Variants in TUBB4A observed in about 807,000 individuals in gnomAD.
TUBB4A encodes the protein tubulin beta-4A chain.
TUBB4A carries 13 observed loss-of-function variants against 35.1 expected under a neutral mutation model. That is an observed-to-expected ratio of 0.37 (90% CI 0.24 to 0.59). TUBB4A has a LOEUF of 0.59. TUBB4A is among the 20% of genes least tolerant of loss of function. The pLI is 0.71. For synonymous variants in TUBB4A, 279 were observed against 272.4 expected (o/e 1.02, Z -0.24); for missense variants, 299 against 647.2 (o/e 0.46, Z 5.84).
chr19:6,496,117 C>G lies in TUBB4A; in HGVS notation c.382G>C (p.Asp128His). 6.2e-7 allele frequency: 1 copy of G among 1,614,180 alleles called. No homozygotes were observed. The highest frequency in any genetic ancestry group is 8.5e-7 in the Non-Finnish European group (1 of 1,180,034). ...GTCAGCTGGAAGCCCTGAAGGCAGT[C>G]GCAGCTCTCGGCCTCCTTCCGGACT... ...DVVRKEAESC[D>H]CLQGFQLTHS... Residue 128 changes from aspartate to histidine, a missense_variant, in exon 4 of 4, where the codon GAC (aspartate) becomes CAC (histidine). This residue lies in a region of TUBB4A where 123 missense variants were observed against 226.0 expected (regional missense o/e 0.54). Transcript: ENST00000264071.
rs1914173853 is a variant in TUBB4A, at chr19:6,496,138, G to A, written c.361C>T (p.Arg121Trp). ...CAGTCGCAGCTCTCGGCCTCCTTCC[G>A]GACTACGTCCAGGACAGCGTCCACC... ...ELVDAVLDVV[R>W]KEAESCDCLQ... is the part of the protein sequence containing the mutation. Residue 121 changes from arginine to tryptophan, a missense_variant, in exon 4 of 4, where the codon CGG becomes TGG. Arg to Trp is a moderately radical substitution (Grantham distance 101, BLOSUM62 -3). This residue lies in a region of TUBB4A where 123 missense variants were observed against 226.0 expected (regional missense o/e 0.54). Transcript: ENST00000264071. 1 of 1,614,140 alleles carries A rather than the reference G, an allele frequency of 6.2e-7. No homozygotes were observed. The highest frequency in any genetic ancestry group is 2.2e-5 in the East Asian group (1 of 44,866).
rs573939463 is a variant in TUBB4A, at chr19:6,502,076, G to A, written c.57+80C>T. 6,581 of 1,434,094 alleles carry A rather than the reference G, an allele frequency of 4.6e-3. 56 individuals are homozygous for A. The highest frequency in any genetic ancestry group is 0.024 in the South Asian group (1,854 of 76,088). The allele number at this position is 1,434,094 out of a possible 1,614,324, so 88.8% of individuals were successfully genotyped here. A position where few individuals can be genotyped will look rare whatever the true frequency, so the allele number is the denominator to read the frequency against. ...CTCATTCCTTTCCAAAGACTCCCAG[G>A]TTGCGGGGTGCTCCGGGGACCGACC... On this transcript the variant is annotated intron_variant, in intron 1 of 3. Transcript: ENST00000264071.
At position 6,496,216 on chromosome 19, in the gene TUBB4A, A is replaced by T. The variant is rs1186220209; in HGVS notation, c.283T>A (p.Ser95Thr). The T allele has an allele frequency of 6.2e-7, 1 of 1,609,362 alleles. No homozygotes were observed. ...FRPDNFVFGQSGAGNNWAKGH... is the reference protein window; with the variant it reads ...FRPDNFVFGQTGAGNNWAKGH... ...TTTGCCCAGTTGTTGCCGGCTCCGG[A>T]TTGGCCTAGAGAGGGAAGGGGAGGG... is the stretch of plus-strand genomic sequence containing the variant. Residue 95 changes from serine (S) to threonine (T), a missense_variant, in exon 4 of 4, where the codon TCC (serine) becomes ACC (threonine). Coordinates refer to ENST00000264071, the MANE Select transcript of TUBB4A (RefSeq NM_006087.4).
rs1022879508 is a variant in TUBB4A, at chr19:6,494,329, C to CAATT, written c.*831_*834dup. 6.6e-6 allele frequency: 1 copy of CAATT among 151,106 alleles called. No homozygotes were observed. Among genetic ancestry groups the CAATT allele is most frequent in the African/African-American group, 2.4e-5 (1 of 41,236 alleles). The allele number at this position is 151,106 out of a possible 1,614,324, so 9.4% of individuals were successfully genotyped here. ...GATTCGGCAGAAACATCCATGACAACAATTAATTTATTTATTGAGGGTGAG... is the reference window on the plus strand; with the variant it reads ...GATTCGGCAGAAACATCCATGACAACAATTAATTAATTTATTTATTGAGGGTGAG... On this transcript the variant is annotated 3_prime_UTR_variant, in exon 4 of 4. Transcript: ENST00000264071.
intron 3 of TUBB4A, among the ~76,000 whole-genome samples, chr19:6,498,018 C>T (rs1337456886): frequency 2.7e-5 from 4 of 150,666 alleles, no homozygotes; most frequent in Non-Finnish European, 4.4e-5. Flanking sequence ...AAGACTATCC[C>T]GGCTAACACG....
At position 6,494,849 on chromosome 19, in the gene TUBB4A, G is replaced by A; in HGVS notation, c.*315C>T. ...ATGGGGGGCAGAGGTCAAAGGTGAAGCAGAAGTCAGGGGTGAAGGAAGGTC... is the reference window on the plus strand; with the variant it reads ...ATGGGGGGCAGAGGTCAAAGGTGAAACAGAAGTCAGGGGTGAAGGAAGGTC... On this transcript the variant is annotated 3_prime_UTR_variant, in exon 4 of 4. Transcript: ENST00000264071. The A allele has an allele frequency of 2.1e-6, 1 of 475,098 alleles. No individual in the cohort carries two copies. Among genetic ancestry groups the A allele is most frequent in the Non-Finnish European group, 3.8e-6 (1 of 260,636 alleles). The allele number at this position is 475,098 out of a possible 1,614,324, so 29.4% of individuals were successfully genotyped here.
intron 1 of TUBB4A, 75 bp downstream of exon 1, chr19:6,502,081 G>A: frequency 6.9e-7 from 1 of 1,445,626 alleles, no homozygotes; most frequent in Admixed American, 2.4e-5. Context: ...CCCAGGTTGC[G>A]GGGTGCTCCG....
At position 6,501,648 on chromosome 19, in the gene TUBB4A, G is replaced by T. The variant is rs747707848; in HGVS notation, c.58-25C>A. ...ACTAGAGAGAGAGGTGGTCGGAAGA[G>T]TTGAGAGAGGGGAAGCCGGTGGCCA... On this transcript the variant is annotated intron_variant, in intron 1 of 3. Coordinates refer to ENST00000264071, the MANE Select transcript of TUBB4A (RefSeq NM_006087.4). The surrounding 1 kb of genome is among the most constrained non-coding windows in gnomAD (Gnocchi z 4.2). 4 of 1,598,770 alleles carry T rather than the reference G, an allele frequency of 2.5e-6. No homozygotes were observed. The South Asian group carries it at 4.5e-5, about 18-fold the overall frequency.
In TUBB4A at chr19:6,501,230, G is replaced by T. The variant is rs922601902; in HGVS notation, c.277+57C>A. The stretch of plus-strand genomic sequence containing the variant: ...CCCCGGTGGTGGCTGTTGACTCTGT[G>T]GTGTTAGCAGGAATAAGGAGGTTTT... On this transcript the variant is annotated intron_variant, in intron 3 of 3. Coordinates refer to ENST00000264071, the MANE Select transcript of TUBB4A (RefSeq NM_006087.4). This position sits in a 1 kb window ranked among gnomAD's most constrained non-coding sequence, Gnocchi z 4.2. 1.4e-6 allele frequency: 2 copies of T among 1,444,710 alleles called. No homozygotes were observed. The highest frequency in any genetic ancestry group is 1.4e-5 in the African/African-American group (1 of 71,552). The allele number at this position is 1,444,710 out of a possible 1,614,324, so 89.5% of individuals were successfully genotyped here.
intron 3 of TUBB4A, among the ~76,000 whole-genome samples, chr19:6,497,898 C>CAA (rs1179837262): frequency 0.081 from 3,427 of 42,112 alleles, 222 homozygotes; most frequent in Middle Eastern, 0.21. Context: ...GACTCCGTCT[C>CAA]AAAAAAAAAA....
Position 6,501,914 on chromosome 19 carries a change from T to A in TUBB4A, c.57+242A>T, listed in dbSNP as rs1028964019. 27 of 586,060 alleles carry A rather than the reference T, an allele frequency of 4.6e-5. No individual in the cohort carries two copies. In the African/African-American group the frequency reaches 4.9e-4, roughly 11 times the overall value. 36.3% of individuals were successfully genotyped at this position (586,060 alleles called of 1,614,324 possible). On this transcript the variant is annotated intron_variant, in intron 1 of 3. Coordinates refer to ENST00000264071, the MANE Select transcript of TUBB4A (RefSeq NM_006087.4). The surrounding 1 kb of genome is among the most constrained non-coding windows in gnomAD (Gnocchi z 4.2). ...CGTGAGGAGGGGACAGTGGCCCAGC[T>A]GTGGGCCCAGCTGTGACAGGCGGAC...
In TUBB4A at chr19:6,501,080, C is replaced by T. The variant is rs1914506808; in HGVS notation, c.277+207G>A. 1 of 544,376 alleles carries T rather than the reference C, an allele frequency of 1.8e-6. No homozygotes were observed. Among genetic ancestry groups the T allele is most frequent in the African/African-American group, 1.9e-5 (1 of 52,966 alleles). The allele number at this position is 544,376 out of a possible 1,614,324, so 33.7% of individuals were successfully genotyped here. A position where few individuals can be genotyped will look rare whatever the true frequency, so the allele number is the denominator to read the frequency against. ...AATGCCACCTCCTCCAGGAAGACTTCCCTGAATCCTTCTCTGTATCCGCCC... is the reference window on the plus strand; with the variant it reads ...AATGCCACCTCCTCCAGGAAGACTTTCCTGAATCCTTCTCTGTATCCGCCC... On this transcript the variant is annotated intron_variant, in intron 3 of 3. Transcript: ENST00000264071. The surrounding 1 kb of genome is among the most constrained non-coding windows in gnomAD (Gnocchi z 4.2).
Position 6,501,452 on chromosome 19 carries a change from C to G in TUBB4A, c.167-55G>C. The G allele has an allele frequency of 1.2e-6, 2 of 1,600,682 alleles. No homozygotes were observed. Among genetic ancestry groups the G allele is most frequent in the Non-Finnish European group, 1.7e-6 (2 of 1,169,874 alleles). ...ATGCGTGCCAGGAACCACAGGCGCCCGGTAGCATCCTGTTCCCTCCCAGCT... is the reference window on the plus strand; with the variant it reads ...ATGCGTGCCAGGAACCACAGGCGCCGGGTAGCATCCTGTTCCCTCCCAGCT... On this transcript the variant is annotated intron_variant, in intron 2 of 3. Transcript: ENST00000264071. The surrounding 1 kb of genome is among the most constrained non-coding windows in gnomAD (Gnocchi z 4.2).
At chr19:6,498,799 T>C (rs1914395839) in intron 3 of TUBB4A, among the ~76,000 whole-genome samples, 1 of 152,242 alleles carries the variant, frequency 6.6e-6, no homozygotes. Flanking sequence ...ACAAACTGTG[T>C]GACCTTGGAC....
At chr19:6,497,772 A>C (rs1171544993) in intron 3 of TUBB4A, among the ~76,000 whole-genome samples, 1 of 150,356 alleles carries the variant, frequency 6.7e-6, no homozygotes, top group African/African-American at 2.5e-5. Context: ...TCTCTACTGA[A>C]AATACAAAAA....
At chr19:6,502,584 T>C (rs1914594363), upstream of TUBB4A, 1 of 227,590 alleles carries the variant, frequency 4.4e-6, no homozygotes, top group Non-Finnish European at 8.5e-6. Context: ...CCCGCAGAAA[T>C]TGGGCGGAGG....
In TUBB4A at chr19:6,496,014, C is replaced by T. The variant is rs749457019; in HGVS notation, c.485G>A (p.Arg162His). ...CACCACGCTGAAGGTGTTCATGATG[C>T]GGTCTGGGAACTCCTCGCGGATCTT... ...ISKIREEFPD[R>H]IMNTFSVVPS... Residue 162 changes from arginine to histidine, a missense_variant, in exon 4 of 4, where the codon CGC becomes CAC. Physicochemically the swap from Arg to His is conservative, Grantham distance 29. Coordinates refer to ENST00000264071, the MANE Select transcript of TUBB4A (RefSeq NM_006087.4). 1.2e-6 allele frequency: 2 copies of T among 1,614,196 alleles called. No homozygotes were observed. The highest frequency in any genetic ancestry group is 1.1e-5 in the South Asian group (1 of 91,088).
upstream of TUBB4A, chr19:6,502,441 G>C (rs2042510719): frequency 5.9e-6 from 3 of 508,576 alleles, no homozygotes; most frequent in Admixed American, 1.3e-4. Context: ...GTGGTGCAGG[G>C]ACCTCCCTCC....
rs1018224880 is a variant in TUBB4A at position 6,502,260 on chromosome 19, G to C, written c.-48C>G. 6.8e-7 allele frequency: 1 copy of C among 1,477,830 alleles called. No individual in the cohort carries two copies. The highest frequency in any genetic ancestry group is 1.5e-5 in the African/African-American group (1 of 67,958). The allele number at this position is 1,477,830 out of a possible 1,614,324, so 91.5% of individuals were successfully genotyped here. Reference sequence around the variant, plus strand: ...GCGGCGGCGGTGGCACGAGCGCGGGGAGCTGCGGCGGCGGCGAGGGTGGAA... The same window carrying C: ...GCGGCGGCGGTGGCACGAGCGCGGGCAGCTGCGGCGGCGGCGAGGGTGGAA... On this transcript the variant is annotated 5_prime_UTR_variant, in exon 1 of 4. Coordinates refer to ENST00000264071, the MANE Select transcript of TUBB4A (RefSeq NM_006087.4).
Sources: gnomAD v4.1 joint callset for allele counts (sites outside exome capture counted in the v4.1 genomes callset) on GRCh38, gnomAD v4.1.1 for gene constraint, gnomAD v4.1.1 regional missense constraint, Gnocchi (gnomAD v3.1) non-coding constraint, MANE v1.5 for transcripts, NCBI Gene and HGNC (gene_info 2026-07-23, HGNC 2026-07-21) for gene names.